The following ERBB4 variants were observed in gnomAD, a reference collection of about 807,000 sequenced individuals.
The protein encoded by ERBB4 is erb-b2 receptor tyrosine kinase 4, also known as receptor tyrosine-protein kinase erbB-4.
In ERBB4, 42 loss-of-function variants were observed where a neutral mutation model predicts 158.0. The ratio of observed to expected loss-of-function variants is 0.27; its 90% confidence interval spans 0.21 to 0.34. The LOEUF is 0.34. Ranked by LOEUF, ERBB4 falls within the 10% of genes least tolerant of loss-of-function variation. The pLI is 1.00. For synonymous variants in ERBB4, 583 were observed against 558.7 expected (o/e 1.04, Z -0.61); for missense variants, 1,333 against 1,624.1 (o/e 0.82, Z 3.08).
At chr2:212,452,925 G>A (rs1688080053) in intron 1 of ERBB4, among the ~76,000 whole-genome samples, 1 of 152,110 alleles carries the variant, frequency 6.6e-6, no homozygotes, top group Non-Finnish European at 1.5e-5. Flanking sequence ...TCTCAAAACT[G>A]TATAATTTCT....
At chr2:212,507,560 C>A (rs969982239) in intron 1 of ERBB4, among the ~76,000 whole-genome samples, 1 of 151,906 alleles carries the variant, frequency 6.6e-6, no homozygotes, top group Non-Finnish European at 1.5e-5. Flanking sequence ...TATAGGAGTT[C>A]GGAAGAAGTT....
intron 1 of ERBB4, among the ~76,000 whole-genome samples, chr2:212,506,079 A>T (rs1691178848): frequency 6.7e-6 from 1 of 148,886 alleles, no homozygotes; most frequent in Non-Finnish European, 1.5e-5. Flanking sequence ...GAATTTTGGA[A>T]ATTCTCACAA....
At chr2:211,460,757 TA>T (rs142170964) in intron 20 of ERBB4, among the ~76,000 whole-genome samples, 24 of 151,176 alleles carry the variant, frequency 1.6e-4, no homozygotes, top group South Asian at 1.5e-3. Flanking sequence ...TTTCCTGCAT[TA>T]AAAAAAAATC....
chr2:211,896,871 A>C (rs1005448874), intron 3 of ERBB4, among the ~76,000 whole-genome samples: 6 of 152,026 alleles, frequency 3.9e-5, no homozygotes, highest in Non-Finnish European at 7.4e-5. Context: ...CAATTTCATC[A>C]TTATTTCCAA....
At chr2:211,431,220 C>T (rs1382228648) in intron 20 of ERBB4, 120 bp from the exon 21 acceptor site, 5 of 851,792 alleles carry the variant, frequency 5.9e-6, no homozygotes, top group Non-Finnish European at 9.4e-6. Flanking sequence ...AAGCCAGAAT[C>T]CTAGAATATT....
chr2:211,534,576 G>T (rs1236975961), intron 20 of ERBB4, among the ~76,000 whole-genome samples: 1 of 151,940 alleles, frequency 6.6e-6, no homozygotes, highest in Non-Finnish European at 1.5e-5. Flanking sequence ...TATCTTTAGT[G>T]GTCTTTTTGC....
intron 25 of ERBB4, among the ~76,000 whole-genome samples, chr2:211,412,177 C>A (rs2063276528): frequency 6.6e-6 from 1 of 151,818 alleles, no homozygotes; most frequent in Admixed American, 6.6e-5. Context: ...GCCATCCTAA[C>A]ATTGACAGAA....
Position 212,432,139 on chromosome 2 carries a change from T to C in ERBB4, c.82+106310A>G, listed in dbSNP as rs13393577. Among the ~76,000 whole-genome samples, 15,755 of 152,228 alleles carry C rather than the reference T, an allele frequency of 0.1. 868 individuals carry two copies. Among genetic ancestry groups the C allele is most frequent in the South Asian group, 0.14 (659 of 4,832 alleles). On this transcript the variant is annotated intron_variant, in intron 1 of 27. Transcript: ENST00000342788. The stretch of plus-strand genomic sequence containing the variant: ...GGTTGTCTGTTCTTTGGTCTATCTC[T>C]GTTGCTATCACCTTGAGGGATGGCC...
intron 1 of ERBB4, among the ~76,000 whole-genome samples, chr2:212,177,803 C>A (rs1460252722): frequency 6.6e-6 from 1 of 151,854 alleles, no homozygotes; most frequent in African/African-American, 2.4e-5. Flanking sequence ...TTAATTGCCA[C>A]TTGAGATAAG....
intron 15 of ERBB4, among the ~76,000 whole-genome samples, chr2:211,661,667 G>A (rs2071424353): frequency 6.6e-6 from 1 of 152,028 alleles, no homozygotes; most frequent in South Asian, 2.1e-4. Flanking sequence ...ACTTCCACAA[G>A]CAGCCCTTCT....
intron 5 of ERBB4, among the ~76,000 whole-genome samples, chr2:211,748,552 C>T (rs2075039007): frequency 6.6e-6 from 1 of 152,166 alleles, no homozygotes; most frequent in Non-Finnish European, 1.5e-5. Flanking sequence ...AATCTAAGCT[C>T]CTTCCTCCCT....
chr2:212,327,744 A>G (rs1256222397), intron 1 of ERBB4, among the ~76,000 whole-genome samples: 1 of 52,734 alleles, frequency 1.9e-5, no homozygotes, highest in African/African-American at 6.4e-5. Context: ...TTTTTTTTGT[A>G]GGGGAGAGAA....
chr2:211,594,408 C>T (rs993550873), intron 19 of ERBB4, among the ~76,000 whole-genome samples: 22 of 151,904 alleles, frequency 1.4e-4, no homozygotes, highest in South Asian at 1.0e-3. Flanking sequence ...CACTGCACTC[C>T]AGCCTGGGCC....
intron 23 of ERBB4, among the ~76,000 whole-genome samples, chr2:211,423,770 G>C (rs574046265): frequency 6.6e-6 from 1 of 151,590 alleles, no homozygotes; most frequent in East Asian, 1.9e-4. Flanking sequence ...TTCATGTTTA[G>C]ATCATTTATG....
chr2:212,361,787 T>C (rs571928557), intron 1 of ERBB4, among the ~76,000 whole-genome samples: 18 of 151,796 alleles, frequency 1.2e-4, no homozygotes, highest in Admixed American at 9.9e-4. Context: ...AATAATAACT[T>C]CTATTCGACA....
intron 20 of ERBB4, among the ~76,000 whole-genome samples, chr2:211,518,091 A>G (rs552078042): frequency 6.6e-6 from 1 of 152,208 alleles, no homozygotes; most frequent in South Asian, 2.1e-4. Context: ...TTTATGTAAT[A>G]TGACTTTTCT....
chr2:212,027,575 A>T (rs1458942215), intron 2 of ERBB4, among the ~76,000 whole-genome samples: 1 of 152,092 alleles, frequency 6.6e-6, no homozygotes, highest in Non-Finnish European at 1.5e-5. Flanking sequence ...AATTGTTGAG[A>T]ACAAAGAGTG....
intron 1 of ERBB4, among the ~76,000 whole-genome samples, chr2:212,405,536 A>T (rs904195326): frequency 1.2e-4 from 18 of 152,048 alleles, no homozygotes; most frequent in Non-Finnish European, 2.1e-4. Context: ...CATGCACACG[A>T]ATGTTCATGG....
rs2086911636 is a variant in ERBB4, at chr2:212,308,854, C to G, written c.83-183951G>C. ...GGTAGTCAAAGTAAATTAAAATTTG[C>G]AAGCATACTGGGGAAACTACATTAG... On this transcript the variant is annotated intron_variant, in intron 1 of 27. Coordinates refer to ENST00000342788, the MANE Select transcript of ERBB4 (RefSeq NM_005235.3). Among the ~76,000 whole-genome samples the G allele has an allele frequency of 2.0e-5, 3 of 150,918 alleles. No individual in the cohort carries two copies. The South Asian group carries it at 6.2e-4, about 31-fold the overall frequency.
Sources: gnomAD v4.1 joint callset for allele counts (sites outside exome capture counted in the v4.1 genomes callset) on GRCh38, gnomAD v4.1.1 for gene constraint, MANE v1.5 for transcripts, NCBI Gene and HGNC (gene_info 2026-07-23, HGNC 2026-07-21) for gene names.